Variants in SHISA8 observed in about 807,000 individuals in gnomAD.
SHISA8 encodes the protein shisa family member 8, also known as protein shisa-8.
A neutral mutation model predicts 21.1 loss-of-function variants in SHISA8; 21 were observed. That is an observed-to-expected ratio of 0.99 (90% CI 0.71 to 1.43). SHISA8 has a LOEUF of 1.43. SHISA8 is among the 40% of genes most tolerant of loss of function. The pLI, the probability that SHISA8 is intolerant of heterozygous loss-of-function variation, is 0.00. For synonymous variants in SHISA8, 300 were observed against 291.4 expected (o/e 1.03, Z -0.30); for missense variants, 535 against 599.1 (o/e 0.89, Z 1.12).
rs2077579451 is a variant in SHISA8, at chr22:41,915,041, C to A, written c.-374G>T. 6.6e-6 allele frequency among the ~76,000 whole-genome samples: 1 copy of A among 151,958 alleles called. No homozygotes were observed. The highest frequency in any genetic ancestry group is 6.6e-5 in the Admixed American group (1 of 15,266). ...GCCGCGGGCCGCCCGACTGCGCTAC[C>A]TTCCCGCCGCGCTCTCAGTACAGCC... On this transcript the variant is annotated 5_prime_UTR_variant, in exon 1 of 4. It adds an upstream start codon to the 5' untranslated region. Transcript: ENST00000621082. This position sits in a 1 kb window ranked among gnomAD's most constrained non-coding sequence, Gnocchi z 5.0.
Position 41,910,507 on chromosome 22 carries a change from GC to G in SHISA8, c.711del (p.Pro239ArgfsTer12). On this transcript the variant is annotated frameshift_variant, in exon 3 of 4. Transcript: ENST00000621082. LOFTEE classifies it high-confidence loss of function. The surrounding 1 kb of genome is among the most constrained non-coding windows in gnomAD (Gnocchi z 6.8). ...NNAPRGSAAP[G>X]PPRGPRLQGG... ...CCCTGCAGCCGCGGGCCGCGCGGGG[GC>G]CCCGGGGCGGCCGACCCCCGGGGCG... 2 of 1,254,828 alleles carry G rather than the reference GC, an allele frequency of 1.6e-6. No individual in the cohort carries two copies. The highest frequency in any genetic ancestry group is 9.9e-7 in the Non-Finnish European group (1 of 1,006,400). The allele number at this position is 1,254,828 out of a possible 1,614,324, so 77.7% of individuals were successfully genotyped here. A position where few individuals can be genotyped will look rare whatever the true frequency, so the allele number is the denominator to read the frequency against.
chr22:41,913,255 C>T (rs1281229971), intron 1 of SHISA8, among the ~76,000 whole-genome samples: 4 of 152,378 alleles, frequency 2.6e-5, no homozygotes, highest in Non-Finnish European at 4.4e-5. Context: ...GGTATGAAGG[C>T]TTCTCTATGG....
rs1285881100 is a variant in SHISA8 at position 41,914,139 on chromosome 22, T to A, written c.529A>T (p.Arg177Trp). The change falls in exon 1 of 4, where the codon AGG (arginine) becomes TGG (tryptophan). Residue 177 changes from arginine (R) to tryptophan (W), a missense_variant and splice_region_variant. Transcript: ENST00000621082. The surrounding 1 kb of genome is among the most constrained non-coding windows in gnomAD (Gnocchi z 6.8). ...GGTCCCTGGGCGGCGCGTGCTCACC[T>A]GGTCACTGTGCGCCGCGCGCGCGGG... ...HSPRARRTVT[R>W]ALTELLKQPG... The A allele has an allele frequency of 7.0e-7, 1 of 1,429,452 alleles. No individual in the cohort carries two copies. The highest frequency in any genetic ancestry group is 9.1e-7 in the Non-Finnish European group (1 of 1,102,900). 88.5% of individuals were successfully genotyped at this position (1,429,452 alleles called of 1,614,324 possible). A position where few individuals can be genotyped will look rare whatever the true frequency, so the allele number is the denominator to read the frequency against.
At chr22:41,913,332 C>A (rs533955985) in intron 1 of SHISA8, among the ~76,000 whole-genome samples, 1 of 152,204 alleles carries the variant, frequency 6.6e-6, no homozygotes, top group Non-Finnish European at 1.5e-5. Context: ...GTGCTGGGAC[C>A]GGGTGGATGA....
chr22:41,914,276 C>T lies in SHISA8; in HGVS notation c.392G>A (p.Arg131Gln), dbSNP rs1239580641. The change falls in exon 1 of 4, where the codon CGG becomes CAG. Residue 131 changes from arginine (R) to glutamine (Q), a missense_variant. Physicochemically the swap from Arg to Gln is conservative, Grantham distance 43. Coordinates refer to ENST00000621082, the MANE Select transcript of SHISA8 (RefSeq NM_001207020.3). This position sits in a 1 kb window ranked among gnomAD's most constrained non-coding sequence, Gnocchi z 6.8. ...PARARDTAAPRDPGRERSHTA... is the reference protein window; with the variant it reads ...PARARDTAAPQDPGRERSHTA... ...ATGGCTGCGCTCGCGGCCGGGGTCCCGGGGCGCTGCGGTGTCGCGGGCGCG... is the reference window on the plus strand; with the variant it reads ...ATGGCTGCGCTCGCGGCCGGGGTCCTGGGGCGCTGCGGTGTCGCGGGCGCG... The T allele has an allele frequency of 1.6e-6, 2 of 1,263,652 alleles. No individual in the cohort carries two copies. Among genetic ancestry groups the T allele is most frequent in the East Asian group, 3.2e-5 (1 of 31,532 alleles). The allele number at this position is 1,263,652 out of a possible 1,614,324, so 78.3% of individuals were successfully genotyped here.
chr22:41,914,594 C>A lies in SHISA8; in HGVS notation c.74G>T (p.Arg25Leu). The A allele has an allele frequency of 9.0e-7, 1 of 1,116,076 alleles. No individual in the cohort carries two copies. Among genetic ancestry groups the A allele is most frequent in the Non-Finnish European group, 1.1e-6 (1 of 917,240 alleles). The allele number at this position is 1,116,076 out of a possible 1,614,324, so 69.1% of individuals were successfully genotyped here. A position where few individuals can be genotyped will look rare whatever the true frequency, so the allele number is the denominator to read the frequency against. ...PPGLRLALAL[R>L]LALLLARPPS... The stretch of plus-strand genomic sequence containing the variant: ...CGGCCGCGCCAGCAGCAACGCGAGC[C>A]GAAGCGCGAGCGCGAGCCGGAGGCC... The change falls in exon 1 of 4, where the codon CGG (arginine) becomes CTG (leucine). Residue 25 changes from arginine (R) to leucine (L), a missense_variant. Transcript: ENST00000621082. This position sits in a 1 kb window ranked among gnomAD's most constrained non-coding sequence, Gnocchi z 6.8.
At chr22:41,911,759 C>T (rs6002536) in intron 1 of SHISA8, among the ~76,000 whole-genome samples, 21,655 of 151,994 alleles carry the variant, frequency 0.14, 2,381 homozygotes, top group African/African-American at 0.31. Flanking sequence ...ATTTTTTTAT[C>T]TTTTGAAGCA....
chr22:41,912,246 G>A (rs1251008496), intron 1 of SHISA8, among the ~76,000 whole-genome samples: 1 of 152,234 alleles, frequency 6.6e-6, no homozygotes, highest in Non-Finnish European at 1.5e-5. Flanking sequence ...CAGCTGTGAT[G>A]TGACAGTGTC....
rs1160277967 is a variant in SHISA8 at position 41,914,415 on chromosome 22, A to C, written c.253T>G (p.Cys85Gly). The C allele has an allele frequency of 3.0e-6, 4 of 1,343,920 alleles. No homozygotes were observed. The highest frequency in any genetic ancestry group is 3.8e-6 in the Non-Finnish European group (4 of 1,044,640). 83.2% of individuals were successfully genotyped at this position (1,343,920 alleles called of 1,614,324 possible). A position where few individuals can be genotyped will look rare whatever the true frequency, so the allele number is the denominator to read the frequency against. Residue 85 changes from cysteine to glycine, a missense_variant, in exon 1 of 4, where the codon TGC becomes GGC. Cys to Gly is a radical substitution (Grantham distance 159, BLOSUM62 -3). Transcript: ENST00000621082. This position sits in a 1 kb window ranked among gnomAD's most constrained non-coding sequence, Gnocchi z 6.8. The part of the protein sequence containing the change: ...NCSSGAYSFC[C>G]GTCGYRFCCH... Reference sequence around the variant, plus strand: ...CAGAAGCGGTAGCCGCACGTGCCGCAGCAGAAGCTGTAGGCTCCGGAGCTG... The same window carrying C: ...CAGAAGCGGTAGCCGCACGTGCCGCCGCAGAAGCTGTAGGCTCCGGAGCTG...
Position 41,909,734 on chromosome 22 carries a change from G to A in SHISA8, c.*31C>T. On this transcript the variant is annotated 3_prime_UTR_variant, in exon 4 of 4. Coordinates refer to ENST00000621082, the MANE Select transcript of SHISA8 (RefSeq NM_001207020.3). ...GCTCCGACGGGCAGACAGGACCCCA[G>A]CCCATGCCTCGAGGGCACCGCGGCC... The A allele has an allele frequency of 7.1e-7, 1 of 1,404,188 alleles. No individual in the cohort carries two copies. Among genetic ancestry groups the A allele is most frequent in the Non-Finnish European group, 9.3e-7 (1 of 1,077,112 alleles). The allele number at this position is 1,404,188 out of a possible 1,614,324, so 87.0% of individuals were successfully genotyped here.
rs1011488592 is a variant in SHISA8, at chr22:41,909,842, G to A, written c.1117C>T (p.Leu373Phe). Residue 373 changes from leucine to phenylalanine, a missense_variant, in exon 4 of 4, where the codon CTC becomes TTC. Coordinates refer to ENST00000621082, the MANE Select transcript of SHISA8 (RefSeq NM_001207020.3). ...VKMPETFNPQ[L>F]PGLYGSAGRG... ...CCCGCGCTGCCGTAAAGGCCGGGGA[G>A]CTGCGGGTTGAAGGTCTCAGGCATC... 19 of 1,529,600 alleles carry A rather than the reference G, an allele frequency of 1.2e-5. No individual in the cohort carries two copies. In the African/African-American group the frequency reaches 1.7e-4, roughly 13 times the overall value. 94.8% of individuals were successfully genotyped at this position (1,529,600 alleles called of 1,614,324 possible).
In SHISA8 at chr22:41,910,273, G is replaced by A; in HGVS notation, c.812-126C>T. The A allele has an allele frequency of 1.6e-6, 2 of 1,227,490 alleles. No individual in the cohort carries two copies. Among genetic ancestry groups the A allele is most frequent in the South Asian group, 7.2e-5 (2 of 27,592 alleles). 76.0% of individuals were successfully genotyped at this position (1,227,490 alleles called of 1,614,324 possible). A position where few individuals can be genotyped will look rare whatever the true frequency, so the allele number is the denominator to read the frequency against. On this transcript the variant is annotated intron_variant, in intron 3 of 3. Transcript: ENST00000621082. This position sits in a 1 kb window ranked among gnomAD's most constrained non-coding sequence, Gnocchi z 6.8. ...GGCGGGCCGGGGGCGGGGCCCGCTG[G>A]GGCGAGGGAGCCGATTGGCCGAGCG... is the stretch of plus-strand genomic sequence containing the variant.
Position 41,914,373 on chromosome 22 carries a change from G to A in SHISA8, c.295C>T (p.Arg99Trp). ...GAACAGCGGCTCTGGTCGAGGCGCC[G>A]CGGCCCGTCGTGGCAGCAGAAGCGG... ...GYRFCCHDGP[R>W]RLDQSRCSNY... Residue 99 changes from arginine (R) to tryptophan (W), a missense_variant, in exon 1 of 4, where the codon CGG becomes TGG. Transcript: ENST00000621082. The surrounding 1 kb of genome is among the most constrained non-coding windows in gnomAD (Gnocchi z 6.8). The A allele has an allele frequency of 7.8e-7, 1 of 1,280,514 alleles. No individual in the cohort carries two copies. The highest frequency in any genetic ancestry group is 3.3e-5 in the East Asian group (1 of 30,172). 79.3% of individuals were successfully genotyped at this position (1,280,514 alleles called of 1,614,324 possible).
At chr22:41,911,977 G>C (rs575825366) in intron 1 of SHISA8, among the ~76,000 whole-genome samples, 1 of 152,236 alleles carries the variant, frequency 6.6e-6, no homozygotes, top group East Asian at 1.9e-4. Flanking sequence ...CAACTCCGCC[G>C]GTCTCGGCCT....
rs1323432750 is a variant in SHISA8 at position 41,910,377 on chromosome 22, T to C, written c.811+31A>G. On this transcript the variant is annotated intron_variant, in intron 3 of 3. Coordinates refer to ENST00000621082, the MANE Select transcript of SHISA8 (RefSeq NM_001207020.3). The surrounding 1 kb of genome is among the most constrained non-coding windows in gnomAD (Gnocchi z 6.8). ...CAGTCCGGGAGCTCGTGCGCCCAGG[T>C]GCCCTGACGCTGCCCGCACCCGCCA... is the stretch of plus-strand genomic sequence containing the variant. The C allele has an allele frequency of 2.4e-6, 3 of 1,272,056 alleles. No homozygotes were observed. The highest frequency in any genetic ancestry group is 3.0e-6 in the Non-Finnish European group (3 of 1,009,408). 78.8% of individuals were successfully genotyped at this position (1,272,056 alleles called of 1,614,324 possible). A position where few individuals can be genotyped will look rare whatever the true frequency, so the allele number is the denominator to read the frequency against.
chr22:41,909,894 G>C lies in SHISA8; in HGVS notation c.1065C>G (p.His355Gln). Residue 355 changes from histidine (H) to glutamine (Q), a missense_variant, in exon 4 of 4, where the codon CAC becomes CAG. By Grantham distance (24) the His-to-Gln change is conservative (BLOSUM62 0). Coordinates refer to ENST00000621082, the MANE Select transcript of SHISA8 (RefSeq NM_001207020.3). ...TCACACTGAACTGGCGCCGGGCCGC[G>C]TGCCCGGGTCGCCGGGGTACCTGGA... ...RAFQVPRRPG[H>Q]AARRQFSVKM... 6.5e-7 allele frequency: 1 copy of C among 1,528,426 alleles called. No homozygotes were observed. Among genetic ancestry groups the C allele is most frequent in the Non-Finnish European group, 8.7e-7 (1 of 1,143,690 alleles). 94.7% of individuals were successfully genotyped at this position (1,528,426 alleles called of 1,614,324 possible). A position where few individuals can be genotyped will look rare whatever the true frequency, so the allele number is the denominator to read the frequency against.
Position 41,914,364 on chromosome 22 carries a change from C to T in SHISA8, c.304G>A (p.Asp102Asn), listed in dbSNP as rs998562027. The T allele has an allele frequency of 1.6e-6, 2 of 1,261,710 alleles. No individual in the cohort carries two copies. Among genetic ancestry groups the T allele is most frequent in the Admixed American group, 3.8e-5 (1 of 25,998 alleles). The allele number at this position is 1,261,710 out of a possible 1,614,324, so 78.2% of individuals were successfully genotyped here. ...FCCHDGPRRL[D>N]QSRCSNYDTP... is the part of the protein sequence containing the mutation. The stretch of plus-strand genomic sequence containing the variant: ...TCGTAGTTGGAACAGCGGCTCTGGT[C>T]GAGGCGCCGCGGCCCGTCGTGGCAG... The change falls in exon 1 of 4, where the codon GAC becomes AAC. Residue 102 changes from aspartate to asparagine, a missense_variant. Coordinates refer to ENST00000621082, the MANE Select transcript of SHISA8 (RefSeq NM_001207020.3). This position sits in a 1 kb window ranked among gnomAD's most constrained non-coding sequence, Gnocchi z 6.8.
chr22:41,909,840 G>C lies in SHISA8; in HGVS notation c.1119C>G (p.Leu373=). The part of the protein sequence containing the change: ...VKMPETFNPQ[L]PGLYGSAGRG... ...GGCCCGCGCTGCCGTAAAGGCCGGG[G>C]AGCTGCGGGTTGAAGGTCTCAGGCA... The change falls in exon 4 of 4, where the codon CTC becomes CTG. Residue 373 remains leucine, a synonymous_variant. Transcript: ENST00000621082. The C allele has an allele frequency of 6.5e-7, 1 of 1,529,624 alleles. No individual in the cohort carries two copies. The allele number at this position is 1,529,624 out of a possible 1,614,324, so 94.8% of individuals were successfully genotyped here. A position where few individuals can be genotyped will look rare whatever the true frequency, so the allele number is the denominator to read the frequency against.
chr22:41,909,737 C>A lies in SHISA8; in HGVS notation c.*28G>T. 2.8e-6 allele frequency: 4 copies of A among 1,409,694 alleles called. No individual in the cohort carries two copies. The highest frequency in any genetic ancestry group is 3.7e-6 in the Non-Finnish European group (4 of 1,079,892). 87.3% of individuals were successfully genotyped at this position (1,409,694 alleles called of 1,614,324 possible). A position where few individuals can be genotyped will look rare whatever the true frequency, so the allele number is the denominator to read the frequency against. ...CCGACGGGCAGACAGGACCCCAGCC[C>A]ATGCCTCGAGGGCACCGCGGCCCCG... On this transcript the variant is annotated 3_prime_UTR_variant, in exon 4 of 4. Transcript: ENST00000621082.
Sources: gnomAD v4.1 joint callset for allele counts (sites outside exome capture counted in the v4.1 genomes callset) on GRCh38, gnomAD v4.1.1 for gene constraint, Gnocchi (gnomAD v3.1) non-coding constraint, MANE v1.5 for transcripts, NCBI Gene and HGNC (gene_info 2026-07-23, HGNC 2026-07-21) for gene names.